The following GRIP1 variants were observed in gnomAD, a reference collection of about 807,000 sequenced individuals.
GRIP1 encodes glutamate receptor-interacting protein 1.
A neutral mutation model predicts 129.9 loss-of-function variants in GRIP1; 45 were observed. The ratio of observed to expected loss-of-function variants is 0.35; its 90% confidence interval spans 0.27 to 0.44. The LOEUF (loss-of-function observed/expected upper bound fraction) is 0.44. Ranked by LOEUF, GRIP1 falls within the 20% of genes least tolerant of loss-of-function variation. The pLI, the probability that GRIP1 is intolerant of heterozygous loss-of-function variation, is 1.00. For missense variants in GRIP1, 1,196 were observed against 1,396.8 expected (o/e 0.86, Z 2.29); for synonymous variants, 530 against 520.8 (o/e 1.02, Z -0.24).
intron 7 of GRIP1, among the ~76,000 whole-genome samples, chr12:66,499,821 C>T (rs1488883195): frequency 6.6e-6 from 1 of 151,956 alleles, no homozygotes; most frequent in Non-Finnish European, 1.5e-5. Context: ...CTGGGCAACA[C>T]AGGGAGACCC....
intron 1 of GRIP1, among the ~76,000 whole-genome samples, chr12:66,634,086 C>A (rs1311400949): frequency 6.6e-6 from 1 of 152,194 alleles, no homozygotes; most frequent in East Asian, 1.9e-4. Flanking sequence ...ACAAAGGCTT[C>A]TTTTCTTCTC....
chr12:66,958,693 T>C (rs1273855942), intron 1 of GRIP1, among the ~76,000 whole-genome samples: 2 of 152,252 alleles, frequency 1.3e-5, no homozygotes, highest in African/African-American at 4.8e-5. Context: ...GGATAAACTG[T>C]AATACCATCT....
intron 1 of GRIP1, among the ~76,000 whole-genome samples, chr12:66,981,902 A>G (rs1217191570): frequency 1.3e-5 from 2 of 152,302 alleles, no homozygotes; most frequent in East Asian, 3.9e-4. Context: ...TTAGGCTTCT[A>G]CACTCTCAAT....
chr12:66,669,565 T>C (rs17102796), intron 1 of GRIP1, among the ~76,000 whole-genome samples: 2,754 of 152,278 alleles, frequency 0.018, 80 homozygotes, highest in African/African-American at 0.063. Flanking sequence ...AACAAAGAAT[T>C]ATCATCAAAT....
intron 13 of GRIP1, among the ~76,000 whole-genome samples, chr12:66,444,313 C>A (rs529487072): frequency 1.3e-5 from 2 of 150,674 alleles, no homozygotes; most frequent in South Asian, 4.3e-4. Flanking sequence ...GGTGAAACCC[C>A]GTCTCTACTA....
chr12:66,421,582 C>T (rs1037490747), intron 14 of GRIP1, among the ~76,000 whole-genome samples: 57 of 151,232 alleles, frequency 3.8e-4, no homozygotes, highest in African/African-American at 1.3e-3. Flanking sequence ...TTTTTCCTCA[C>T]AAGGAAATCT....
At chr12:66,361,716 C>T (rs1288936105) in intron 23 of GRIP1, among the ~76,000 whole-genome samples, 1 of 152,186 alleles carries the variant, frequency 6.6e-6, no homozygotes, top group Non-Finnish European at 1.5e-5. Context: ...GCTGCCTGCT[C>T]ACAGCACCCC....
chr12:66,941,914 C>T (rs1258799907), intron 1 of GRIP1, among the ~76,000 whole-genome samples: 2 of 152,138 alleles, frequency 1.3e-5, no homozygotes, highest in East Asian at 3.9e-4. Context: ...GCACAGCAAA[C>T]ATTTATTGAA....
intron 1 of GRIP1, among the ~76,000 whole-genome samples, chr12:66,869,303 C>T (rs1375356255): frequency 6.6e-6 from 1 of 151,982 alleles, no homozygotes; most frequent in Non-Finnish European, 1.5e-5. Context: ...GGAAATACTG[C>T]TTCACTCATC....
intron 23 of GRIP1, 29 bp downstream of exon 23, chr12:66,371,665 C>T: frequency 6.8e-7 from 1 of 1,481,078 alleles, no homozygotes; most frequent in East Asian, 2.3e-5. Flanking sequence ...CAAATTTGAC[C>T]CTAGGGAAAG....
At chr12:66,652,873 G>A (rs914843064) in intron 1 of GRIP1, among the ~76,000 whole-genome samples, 1 of 152,196 alleles carries the variant, frequency 6.6e-6, no homozygotes, top group African/African-American at 2.4e-5. Flanking sequence ...ATGGTGGAGA[G>A]CCAGATGAGG....
intron 1 of GRIP1, among the ~76,000 whole-genome samples, chr12:66,656,075 T>C (rs2033137926): frequency 6.6e-6 from 1 of 152,194 alleles, no homozygotes; most frequent in South Asian, 2.1e-4. Flanking sequence ...GTATAAATTT[T>C]TTCTCCAGGC....
At chr12:66,594,425 C>A (rs1273632480) in intron 2 of GRIP1, among the ~76,000 whole-genome samples, 1 of 152,140 alleles carries the variant, frequency 6.6e-6, no homozygotes, top group African/African-American at 2.4e-5. Context: ...GAATGTGCCC[C>A]AACACAAATT....
At chr12:67,054,328 T>C (rs1223977792) in intron 1 of GRIP1, among the ~76,000 whole-genome samples, 1 of 152,230 alleles carries the variant, frequency 6.6e-6, no homozygotes, top group African/African-American at 2.4e-5. Context: ...TTCTGTGTGT[T>C]GGGGATACAA....
intron 1 of GRIP1, among the ~76,000 whole-genome samples, chr12:66,987,966 G>A (rs2042337494): frequency 6.6e-6 from 1 of 152,160 alleles, no homozygotes. Context: ...TTCCAGGTCT[G>A]CCTCAGTCAA....
intron 8 of GRIP1, 88 bp from the exon 9 acceptor site, chr12:66,463,181 T>C (rs1209828650): frequency 8.7e-7 from 1 of 1,147,044 alleles, no homozygotes. Flanking sequence ...AATTTCACAG[T>C]TTTTCATTTA....
Position 66,815,517 on chromosome 12 carries a change from T to G in GRIP1, c.59-218590A>C, listed in dbSNP as rs567760378. 1.1e-3 allele frequency among the ~76,000 whole-genome samples: 166 copies of G among 152,190 alleles called. 1 individual carries two copies. The highest frequency in any genetic ancestry group is 3.9e-3 in the African/African-American group (162 of 41,528). ...GACTCATGCCTACAATCCCAGCACT[T>G]TGGGAGGCTGGGGTGAGTGGATTAC... is the stretch of plus-strand genomic sequence containing the variant. On this transcript the variant is annotated intron_variant, in intron 1 of 1. Transcript: ENST00000643019.
chr12:66,827,776 C>T (rs532465534), intron 1 of GRIP1, among the ~76,000 whole-genome samples: 2 of 152,190 alleles, frequency 1.3e-5, no homozygotes, highest in Non-Finnish European at 2.9e-5. Context: ...CAAGCACTGG[C>T]TCTTTTGAGG....
At chr12:66,661,865 G>A (rs2033530721) in intron 1 of GRIP1, among the ~76,000 whole-genome samples, 3 of 152,070 alleles carry the variant, frequency 2.0e-5, no homozygotes, top group Admixed American at 2.0e-4. Flanking sequence ...TCATCCAGAA[G>A]TCTTTGGCAC....
Sources: allele counts gnomAD v4.1 joint callset (sites outside exome capture counted in the v4.1 genomes callset), GRCh38; gene constraint gnomAD v4.1.1; transcripts MANE v1.5; gene names NCBI Gene and HGNC (gene_info 2026-07-23, HGNC 2026-07-21).